Variants in CACNA1G observed in about 807,000 individuals in gnomAD.
CACNA1G encodes the protein voltage-dependent T-type calcium channel subunit alpha-1G.
A neutral mutation model predicts 219.4 loss-of-function variants in CACNA1G; 67 were observed. The observed-to-expected ratio is 0.31, with a 90% confidence interval of 0.25 to 0.37. The LOEUF (loss-of-function observed/expected upper bound fraction) is 0.37. Among genes scored for constraint, CACNA1G ranks in the 10% least tolerant of loss-of-function variants. The pLI, the probability that CACNA1G is intolerant of heterozygous loss-of-function variation, is 1.00. For synonymous variants in CACNA1G, 1,296 were observed against 1,345.3 expected, an observed-to-expected ratio of 0.96 and a Z score of 0.80; for missense variants, 2,380 against 3,231.4, an observed-to-expected ratio of 0.74 and a Z score of 6.39.
At position 50,576,243 on chromosome 17, in the gene CACNA1G, CT is replaced by C. The variant is rs752771495; in HGVS notation, c.1842del (p.Pro617GlnfsTer39). Reference sequence around the variant, plus strand: ...GCACTAGTAGAGGTGGCTGCCAGCTCTGGGCCCCCAACCCTCACCAGCCTCA... The same window carrying C: ...GCACTAGTAGAGGTGGCTGCCAGCTCGGGCCCCCAACCCTCACCAGCCTCA... ...EKALVEVAAS[S>X]GPPTLTSLNI... is the part of the protein sequence containing the mutation. On this transcript the variant is annotated frameshift_variant, in exon 8 of 38. Coordinates refer to ENST00000359106, the MANE Select transcript of CACNA1G (RefSeq NM_018896.5). LOFTEE classifies it high-confidence loss of function. 6.3e-7 allele frequency: 1 copy of C among 1,599,152 alleles called. No homozygotes were observed. The highest frequency in any genetic ancestry group is 8.5e-7 in the Non-Finnish European group (1 of 1,173,890).
At chr17:50,561,855 GCACCAGAGT>G in intron 1 of CACNA1G, 154 bp downstream of exon 1, 2 of 259,746 alleles carry the variant, frequency 7.7e-6, no homozygotes, top group Admixed American at 5.0e-5. Context: ...AGGGGAGGGG[GCACCAGAGT>G]GGGAGCGGAG....
chr17:50,581,538 G>A (rs996589635), intron 9 of CACNA1G, among the ~76,000 whole-genome samples: 3 of 151,922 alleles, frequency 2.0e-5, no homozygotes, highest in African/African-American at 4.8e-5. Context: ...CGCTTGTCCC[G>A]TCCCCCCAAC....
Position 50,626,624 on chromosome 17 carries a change from C to T in CACNA1G, c.7007C>T (p.Pro2336Leu), listed in dbSNP as rs763847174. ...GGTATCTGCCTCCGGAGGAGGGCTC[C>T]GTCCAGCGACTCCAAGGATCCCTTG... is the stretch of plus-strand genomic sequence containing the variant. ...SPGICLRRRAPSSDSKDPLAS... is the reference protein window; with the variant it reads ...SPGICLRRRALSSDSKDPLAS... Residue 2336 changes from proline (P) to leucine (L), a missense_variant, in exon 38 of 38, where the codon CCG (proline) becomes CTG (leucine). Pro to Leu is a moderately conservative substitution (Grantham distance 98). Coordinates refer to ENST00000359106, the MANE Select transcript of CACNA1G (RefSeq NM_018896.5). The surrounding 1 kb of genome is among the most constrained non-coding windows in gnomAD (Gnocchi z 4.3). 22 of 1,613,030 alleles carry T rather than the reference C, an allele frequency of 1.4e-5. No homozygotes were observed. Among genetic ancestry groups the T allele is most frequent in the East Asian group, 6.7e-5 (3 of 44,856 alleles).
Position 50,615,396 on chromosome 17 carries a change from C to A in CACNA1G, c.4795C>A (p.Arg1599Ser), listed in dbSNP as rs773460916. ...CAAACCTTACTACTCCGACTACTCC[C>A]GCTTCCGGCTCCTCGTCCACCACTT... ...QCKPYYSDYS[R>S]FRLLVHHLCT... The change falls in exon 27 of 38, where the codon CGC becomes AGC. Residue 1599 changes from arginine (R) to serine (S), a missense_variant. This residue lies in a region of CACNA1G where 58 missense variants were observed against 71.3 expected (regional missense o/e 0.81). Transcript: ENST00000359106. 1 of 1,612,338 alleles carries A rather than the reference C, an allele frequency of 6.2e-7. No homozygotes were observed.
In CACNA1G at chr17:50,571,847, G is replaced by A. The variant is rs769480357; in HGVS notation, c.587-31G>A. On this transcript the variant is annotated intron_variant, in intron 4 of 37. Coordinates refer to ENST00000359106, the MANE Select transcript of CACNA1G (RefSeq NM_018896.5). The surrounding 1 kb of genome is among the most constrained non-coding windows in gnomAD (Gnocchi z 4.3). The stretch of plus-strand genomic sequence containing the variant: ...GCAGTCAGCCTAGCCCGGCCAGCCT[G>A]GTGTCCCCAGCGTGGCTTCTGCCCC... 3.1e-6 allele frequency: 5 copies of A among 1,610,744 alleles called. No individual in the cohort carries two copies. In the South Asian group the frequency reaches 3.3e-5, roughly 11 times the overall value.
intron 23 of CACNA1G, chr17:50,606,593 G>C (rs137861781): frequency 3.7e-6 from 2 of 539,178 alleles, no homozygotes; most frequent in Non-Finnish European, 3.3e-6. Context: ...AAATGAAATT[G>C]CTCGCTCAGT....
At chr17:50,569,515 G>T (rs940632382) in intron 3 of CACNA1G, among the ~76,000 whole-genome samples, 191 bp from the exon 4 acceptor site, 1 of 151,992 alleles carries the variant, frequency 6.6e-6, no homozygotes, top group African/African-American at 2.4e-5. Flanking sequence ...TTCTCTGATG[G>T]GCAATCTGTC....
rs1334291462 is a variant in CACNA1G, at chr17:50,618,934, A to T, written c.5707A>T (p.Ser1903Cys). The T allele has an allele frequency of 6.2e-7, 1 of 1,601,344 alleles. No homozygotes were observed. The highest frequency in any genetic ancestry group is 2.2e-5 in the East Asian group (1 of 44,662). Residue 1903 changes from serine to cysteine, a missense_variant, in exon 33 of 38, where the codon AGC becomes TGC. Physicochemically the swap from Ser to Cys is moderately radical, Grantham distance 112 (BLOSUM62 -1). This residue lies in a region of CACNA1G where 672 missense variants were observed against 670.5 expected (regional missense o/e 1.00). Coordinates refer to ENST00000359106, the MANE Select transcript of CACNA1G (RefSeq NM_018896.5). This position sits in a 1 kb window ranked among gnomAD's most constrained non-coding sequence, Gnocchi z 5.3. ...GGTCGAGGGCCCCGACAGCCCCGAC[A>T]GCCCCAAGCCTGGGGCTCTGCACCC... ...PGVEGPDSPDSPKPGALHPAA... is the reference protein window; with the variant it reads ...PGVEGPDSPDCPKPGALHPAA...
chr17:50,610,991 C>T (rs1352970550), intron 26 of CACNA1G, among the ~76,000 whole-genome samples: 1 of 152,078 alleles, frequency 6.6e-6, no homozygotes, highest in African/African-American at 2.4e-5. Context: ...CACAGTGGCT[C>T]ACACCTGTAA....
intron 10 of CACNA1G, 67 bp from the exon 11 acceptor site, chr17:50,591,368 C>T: frequency 7.0e-7 from 1 of 1,423,952 alleles, no homozygotes. Context: ...GCTACTGAGT[C>T]CTCTCCGAGG....
At chr17:50,561,770 G>T (rs948109598) in intron 1 of CACNA1G, 69 bp downstream of exon 1, 3 of 1,444,216 alleles carry the variant, frequency 2.1e-6, no homozygotes, top group Non-Finnish European at 1.8e-6. Flanking sequence ...CGGGGGTCGG[G>T]GGGGAAGAAG....
chr17:50,572,454 C>A, intron 5 of CACNA1G, 100 bp from the exon 6 acceptor site: 1 of 1,026,734 alleles, frequency 9.7e-7, no homozygotes, highest in Non-Finnish European at 1.4e-6. Context: ...CCTGCTCACC[C>A]TATATGCCTC....
Position 50,600,998 on chromosome 17 carries a change from G to A in CACNA1G, c.3792-53G>A, listed in dbSNP as rs555403010. The stretch of plus-strand genomic sequence containing the variant: ...GCAGGGGCTGCGGGCGGTGCCTCTC[G>A]TTGCCACCTGCCCTGCCTCCCCCTC... On this transcript the variant is annotated intron_variant, in intron 18 of 37. Coordinates refer to ENST00000359106, the MANE Select transcript of CACNA1G (RefSeq NM_018896.5). The surrounding 1 kb of genome is among the most constrained non-coding windows in gnomAD (Gnocchi z 4.1). 1.0e-4 allele frequency: 160 copies of A among 1,600,674 alleles called. No homozygotes were observed. The highest frequency in any genetic ancestry group is 3.3e-4 in the Middle Eastern group (2 of 6,008).
intron 19 of CACNA1G, 118 bp downstream of exon 19, chr17:50,601,292 G>C (rs969151772): frequency 2.6e-5 from 33 of 1,263,924 alleles, no homozygotes; most frequent in Non-Finnish European, 3.6e-5. Context: ...GGAACGAGGG[G>C]GCCAGGACTC....
chr17:50,616,744 T>G (rs2050684485), intron 28 of CACNA1G, among the ~76,000 whole-genome samples: 1 of 152,202 alleles, frequency 6.6e-6, no homozygotes, highest in African/African-American at 2.4e-5. Context: ...TTACTTAACC[T>G]CTCTGTGCCT....
rs560730856 is a variant in CACNA1G, at chr17:50,596,589, C to T, written c.3007C>T (p.Pro1003Ser). 6.2e-7 allele frequency: 1 copy of T among 1,613,940 alleles called. No individual in the cohort carries two copies. Among genetic ancestry groups the T allele is most frequent in the South Asian group, 1.1e-5 (1 of 91,074 alleles). The change falls in exon 15 of 38, where the codon CCC becomes TCC. Residue 1003 changes from proline to serine, a missense_variant. By Grantham distance (74) the Pro-to-Ser change is moderately conservative (BLOSUM62 -1). Coordinates refer to ENST00000359106, the MANE Select transcript of CACNA1G (RefSeq NM_018896.5). The surrounding 1 kb of genome is among the most constrained non-coding windows in gnomAD (Gnocchi z 4.8). ...GGDANKSESE[P>S]DFFSPSLDGD... The stretch of plus-strand genomic sequence containing the variant: ...AGATGCCAACAAGTCCGAATCAGAG[C>T]CCGATTTCTTCTCACCCAGCCTGGA...
Position 50,599,419 on chromosome 17 carries a change from C to T in CACNA1G, c.3259-9C>T, listed in dbSNP as rs1277340623. 1 of 1,531,984 alleles carries T rather than the reference C, an allele frequency of 6.5e-7. No homozygotes were observed. Among genetic ancestry groups the T allele is most frequent in the Non-Finnish European group, 8.8e-7 (1 of 1,138,964 alleles). 94.9% of individuals were successfully genotyped at this position (1,531,984 alleles called of 1,614,324 possible). A position where few individuals can be genotyped will look rare whatever the true frequency, so the allele number is the denominator to read the frequency against. ...TGCCTGAGACCACTCCTCCCCTGCT[C>T]ACCCACAGCCCAGCGCCCGCAGCTC... On this transcript the variant is annotated splice_polypyrimidine_tract_variant and intron_variant, in intron 16 of 37. Coordinates refer to ENST00000359106, the MANE Select transcript of CACNA1G (RefSeq NM_018896.5).
chr17:50,623,805 G>C, intron 35 of CACNA1G, 102 bp from the exon 36 acceptor site: 1 of 1,266,980 alleles, frequency 7.9e-7, no homozygotes, highest in South Asian at 1.4e-5. Flanking sequence ...GGGGGTGAGG[G>C]CTGGGCGGGG....
chr17:50,604,382 T>C, intron 22 of CACNA1G, 101 bp downstream of exon 22: 1 of 1,430,946 alleles, frequency 7.0e-7, no homozygotes, highest in South Asian at 1.3e-5. Flanking sequence ...GCTGCCTTCA[T>C]TCCAGAAAGG....
Sources: allele counts gnomAD v4.1 joint callset (sites outside exome capture counted in the v4.1 genomes callset), GRCh38; gene constraint gnomAD v4.1.1; regional missense constraint gnomAD v4.1.1; non-coding constraint Gnocchi (gnomAD v3.1); transcripts MANE v1.5; gene names NCBI Gene and HGNC (gene_info 2026-07-23, HGNC 2026-07-21).